Variants in TTC34 observed in about 807,000 individuals in gnomAD.
The protein encoded by TTC34 is tetratricopeptide repeat protein 34.
TTC34 carries 44 observed loss-of-function variants against 40.7 expected under a neutral mutation model. That is an observed-to-expected ratio of 1.08 (90% CI 0.85 to 1.39). The LOEUF is 1.39. TTC34 is among the 40% of genes most tolerant of loss of function. The pLI is 0.00. For missense variants in TTC34, 884 were observed against 838.0 expected (o/e 1.05, Z -0.68); for synonymous variants, 422 against 398.6 (o/e 1.06, Z -0.70).
intron 6 of TTC34, among the ~76,000 whole-genome samples, chr1:2,652,423 C>A (rs372601177): frequency 2.2e-3 from 10 of 4,552 alleles, no homozygotes; most frequent in African/African-American, 9.4e-3. Context: ...GAGCATCTGA[C>A]AGCCTGGAAC....
At chr1:2,752,497 G>T (rs1641355694) in intron 6 of TTC34, among the ~76,000 whole-genome samples, 3 of 147,924 alleles carry the variant, frequency 2.0e-5, no homozygotes, top group Admixed American at 6.8e-5. Flanking sequence ...CACACAGCCA[G>T]GTGAGCATCT....
rs545485966 is a variant in TTC34 at position 2,781,398 on chromosome 1, T to C, written c.2226+2211A>G. 2.6e-5 allele frequency among the ~76,000 whole-genome samples: 4 copies of C among 152,362 alleles called. No individual in the cohort carries two copies. The South Asian group carries it at 8.3e-4, about 32-fold the overall frequency. ...TTGCCTTCGTATCCTGCTACTTTGC[T>C]GAATTCATTTATTAGTTCTAACAAT... On this transcript the variant is annotated intron_variant, in intron 6 of 8. Coordinates refer to ENST00000401095, the Ensembl canonical transcript of TTC34.
chr1:2,652,387 C>T (rs377693900), intron 6 of TTC34, among the ~76,000 whole-genome samples: 1 of 145,868 alleles, frequency 6.9e-6, no homozygotes. Context: ...CATCTGACAG[C>T]CTGGAGCAGC....
At chr1:2,750,209 G>A (rs1641269535) in intron 6 of TTC34, among the ~76,000 whole-genome samples, 81 of 145,284 alleles carry the variant, frequency 5.6e-4, no homozygotes, top group African/African-American at 9.0e-4. Context: ...CACACCCCCA[G>A]GTGCGCATCT....
At chr1:2,779,455 C>G (rs189149446) in intron 6 of TTC34, among the ~76,000 whole-genome samples, 1 of 152,230 alleles carries the variant, frequency 6.6e-6, no homozygotes, top group East Asian at 1.9e-4. Context: ...TCCCGAGTAG[C>G]TGGGATTACA....
chr1:2,769,711 C>A (rs1373662704), intron 6 of TTC34, among the ~76,000 whole-genome samples: 2 of 144,950 alleles, frequency 1.4e-5, no homozygotes, highest in African/African-American at 2.6e-5. Flanking sequence ...AGCACCCACA[C>A]CCCCAGGTGA....
intron 6 of TTC34, among the ~76,000 whole-genome samples, chr1:2,651,170 C>T (rs1639125187): frequency 1.3e-5 from 2 of 151,600 alleles, no homozygotes; most frequent in South Asian, 2.1e-4. Context: ...GAGCACTTCA[C>T]AGCCTAAAAC....
chr1:2,778,681 C>T (rs1389556060), intron 6 of TTC34, among the ~76,000 whole-genome samples: 1 of 152,234 alleles, frequency 6.6e-6, no homozygotes, highest in Non-Finnish European at 1.5e-5. Context: ...CAGGGTGCCT[C>T]CTCTGATCCC....
At chr1:2,753,480 T>G (rs1425480978) in intron 6 of TTC34, among the ~76,000 whole-genome samples, 3 of 89,220 alleles carry the variant, frequency 3.4e-5, no homozygotes, top group African/African-American at 6.8e-5. Context: ...CGTGACAGCT[T>G]GGATCAGCAC....
chr1:2,791,086 G>A (rs1319014054), intron 2 of TTC34, among the ~76,000 whole-genome samples: 1 of 152,176 alleles, frequency 6.6e-6, no homozygotes, highest in East Asian at 1.9e-4. Flanking sequence ...AGTCAGTGAG[G>A]TCAGGGGCAG....
In TTC34 at chr1:2,641,457, C is replaced by T. The variant is rs755584629; in HGVS notation, c.3151G>A (p.Gly1051Ser). The stretch of plus-strand genomic sequence containing the variant: ...CGGTGGTCGGGGTCCACCAGGAGGC[C>T]GCTCTCTACCGCCGTCCAGGCCTCT... The change falls in exon 9 of 9, where the codon GGC becomes AGC. Residue 1051 changes from glycine (G) to serine (S), a missense_variant. Physicochemically the swap from Gly to Ser is moderately conservative, Grantham distance 56. Coordinates refer to ENST00000401095, the Ensembl canonical transcript of TTC34. 46 of 1,535,464 alleles carry T rather than the reference C, an allele frequency of 3.0e-5. No homozygotes were observed. The highest frequency in any genetic ancestry group is 1.1e-4 in the African/African-American group (8 of 72,992).
At chr1:2,641,716 G>T in exon 9 of TTC34, 1 of 1,535,534 alleles carries the variant, frequency 6.5e-7, no homozygotes, top group Non-Finnish European at 8.7e-7. Context: ...GCGCCTCCTG[G>T]AGCACATGGT....
At chr1:2,695,356 C>CCCGAGGCAAGCATCTGACAGCCTGGAACT (rs1640813524) in intron 6 of TTC34, among the ~76,000 whole-genome samples, 1 of 28,520 alleles carries the variant, frequency 3.5e-5, no homozygotes, top group Non-Finnish European at 8.6e-5. Context: ...GCTCCCACAC[C>CCCGAGGCAAGCATCTGACAGCCTGGAACT]CCCAGGTGAG....
chr1:2,784,389 A>G (rs1271321477), intron 5 of TTC34, among the ~76,000 whole-genome samples: 3 of 152,234 alleles, frequency 2.0e-5, no homozygotes, highest in Non-Finnish European at 4.4e-5. Flanking sequence ...TGGACAAGGA[A>G]CGTGACCATT....
At chr1:2,688,027 G>C (rs1640445304) in intron 6 of TTC34, among the ~76,000 whole-genome samples, 1 of 136,968 alleles carries the variant, frequency 7.3e-6, no homozygotes, top group African/African-American at 2.9e-5. Context: ...GCATCTGACT[G>C]CATGTAACAG....
intron 6 of TTC34, among the ~76,000 whole-genome samples, chr1:2,647,936 C>T (rs1210898395): frequency 6.6e-6 from 1 of 151,940 alleles, no homozygotes; most frequent in Non-Finnish European, 1.5e-5. Flanking sequence ...TGCTGTTGTG[C>T]CTGCCTAGTA....
chr1:2,683,903 G>T, intron 6 of TTC34, among the ~76,000 whole-genome samples: 1 of 50,260 alleles, frequency 2.0e-5, no homozygotes, highest in Admixed American at 2.2e-4. Flanking sequence ...AGCCTGGGTC[G>T]GCACCCACAC....
intron 6 of TTC34, among the ~76,000 whole-genome samples, chr1:2,750,826 A>G (rs1641295295): frequency 7.9e-6 from 1 of 125,860 alleles, no homozygotes; most frequent in Non-Finnish European, 1.6e-5. Context: ...AGCATCTGAC[A>G]GCCTGGAGCA....
At chr1:2,695,578 C>A (rs74710768) in intron 6 of TTC34, among the ~76,000 whole-genome samples, 2 of 46,248 alleles carry the variant, frequency 4.3e-5, no homozygotes, top group African/African-American at 6.9e-5. Flanking sequence ...GATCAGACAG[C>A]CTGGAGCAGC....
Sources: gnomAD v4.1 joint callset for allele counts (sites outside exome capture counted in the v4.1 genomes callset) on GRCh38, gnomAD v4.1.1 for gene constraint, MANE v1.5 for transcripts, NCBI Gene and HGNC (gene_info 2026-07-23, HGNC 2026-07-21) for gene names.